TGS1: variants seen among roughly 807,000 people sequenced by gnomAD.
TGS1 encodes the protein trimethylguanosine synthase.
Under a neutral mutation model 92.2 loss-of-function variants are expected in TGS1, and 69 were observed. That is an observed-to-expected ratio of 0.75 (90% CI 0.62 to 0.91). The LOEUF is 0.91. Ranked by LOEUF, TGS1 falls within the 40% of genes least tolerant of loss-of-function variation. TGS1 has a pLI of 0.00. For missense variants in TGS1, 1,062 were observed against 1,001.2 expected (o/e 1.06, Z -0.82); for synonymous variants, 345 against 338.1 (o/e 1.02, Z -0.22).
At chr8:55,784,342 T>G (rs1322577388) in intron 2 of TGS1, among the ~76,000 whole-genome samples, 2 of 152,120 alleles carry the variant, frequency 1.3e-5, no homozygotes, top group East Asian at 3.9e-4. Context: ...ATCTTCCAGT[T>G]TAGGGGATTT....
chr8:55,819,288 ATTTTTTTTTTTT>A (rs201975270), intron 12 of TGS1, among the ~76,000 whole-genome samples: 10 of 74,972 alleles, frequency 1.3e-4, no homozygotes, highest in African/African-American at 2.8e-4. Context: ...TGCCTGGGAG[ATTTTTTTTTTTT>A]TTTTTTTTTT....
intron 2 of TGS1, among the ~76,000 whole-genome samples, chr8:55,784,847 C>T (rs950171842): frequency 2.6e-5 from 4 of 152,168 alleles, no homozygotes; most frequent in East Asian, 1.9e-4. Flanking sequence ...ATTTTCTCCA[C>T]GTACCAGGGT....
intron 2 of TGS1, among the ~76,000 whole-genome samples, chr8:55,783,878 G>A (rs374650412): frequency 3.3e-5 from 5 of 152,144 alleles, no homozygotes; most frequent in Non-Finnish European, 5.9e-5. Flanking sequence ...TAGGCTCCTC[G>A]AGCATAAGAA....
At position 55,796,162 on chromosome 8, in the gene TGS1, A is replaced by C; in HGVS notation, c.1542+10A>C. On this transcript the variant is annotated intron_variant, in intron 7 of 12. Coordinates refer to ENST00000260129, the MANE Select transcript of TGS1 (RefSeq NM_024831.8). ...CAAAATTCTGAGTAAGGTATGTATA[A>C]ATTTTGTTGCATATTTGTAGATAGA... is the stretch of plus-strand genomic sequence containing the variant. 1 of 1,588,444 alleles carries C rather than the reference A, an allele frequency of 6.3e-7. No homozygotes were observed. The highest frequency in any genetic ancestry group is 8.6e-7 in the Non-Finnish European group (1 of 1,162,978).
Position 55,825,166 on chromosome 8 carries a change from C to A in TGS1, c.*463C>A, listed in dbSNP as rs1301437667. ...CAAACTCCTGGGCTCAGTCAGTCCC[C>A]CCATCTCACCCTCCCCAAGTGCTGG... On this transcript the variant is annotated 3_prime_UTR_variant, in exon 13 of 13. Transcript: ENST00000260129. 6.5e-6 allele frequency: 1 copy of A among 153,394 alleles called. No homozygotes were observed. Among genetic ancestry groups the A allele is most frequent in the Non-Finnish European group, 1.4e-5 (1 of 68,992 alleles). 9.5% of individuals were successfully genotyped at this position (153,394 alleles called of 1,614,324 possible).
chr8:55,804,474 A>G (rs1260860899), intron 9 of TGS1, among the ~76,000 whole-genome samples: 3 of 152,196 alleles, frequency 2.0e-5, no homozygotes, highest in Non-Finnish European at 4.4e-5. Flanking sequence ...GGAGTGTCCA[A>G]TACAAATCCA....
At chr8:55,790,114 C>A in intron 4 of TGS1, 68 bp from the exon 5 acceptor site, 1 of 1,126,636 alleles carries the variant, frequency 8.9e-7, no homozygotes, top group Non-Finnish European at 1.3e-6. Flanking sequence ...TTTTCATTGG[C>A]TTTGCAAATA....
intron 12 of TGS1, among the ~76,000 whole-genome samples, chr8:55,820,558 A>C (rs182980369): frequency 2.2e-4 from 34 of 152,286 alleles, no homozygotes; most frequent in African/African-American, 3.8e-4. Context: ...CAAAACAAAA[A>C]AAAAGTGCAG....
Position 55,798,918 on chromosome 8 carries a change from A to G in TGS1, c.1547A>G (p.Glu516Gly), listed in dbSNP as rs759746157. 1.9e-6 allele frequency: 3 copies of G among 1,594,370 alleles called. No individual in the cohort carries two copies. Among genetic ancestry groups the G allele is most frequent in the Non-Finnish European group, 2.6e-6 (3 of 1,171,624 alleles). ...FKKSKILSKV[E>G]KFLTWVNKPM... ...GATGTCATCTTAAAATTTAAGGTAG[A>G]AAAATTCCTCACATGGGTTAATAAA... The change falls in exon 8 of 13, where the codon GAA (glutamate) becomes GGA (glycine). Residue 516 changes from glutamate (E) to glycine (G), a missense_variant. Coordinates refer to ENST00000260129, the MANE Select transcript of TGS1 (RefSeq NM_024831.8).
chr8:55,814,710 T>C (rs1357967633), intron 12 of TGS1, among the ~76,000 whole-genome samples: 4 of 134,468 alleles, frequency 3.0e-5, no homozygotes, highest in Admixed American at 7.5e-5. Context: ...TACACACACA[T>C]ACACACAAAT....
chr8:55,777,026 G>C (rs1811420631), intron 1 of TGS1, among the ~76,000 whole-genome samples: 1 of 151,218 alleles, frequency 6.6e-6, no homozygotes, highest in Admixed American at 6.6e-5. Flanking sequence ...GGTTTATTTT[G>C]AGACTGGGTC....
chr8:55,817,315 G>A (rs1036456867), intron 12 of TGS1, among the ~76,000 whole-genome samples: 3 of 152,168 alleles, frequency 2.0e-5, no homozygotes, highest in Non-Finnish European at 2.9e-5. Flanking sequence ...TAGATAGGTC[G>A]ATAGGAATGA....
intron 12 of TGS1, among the ~76,000 whole-genome samples, chr8:55,820,425 C>G (rs1277037703): frequency 6.6e-6 from 1 of 152,046 alleles, no homozygotes; most frequent in East Asian, 1.9e-4. Context: ...GTAATCCCAG[C>G]TACTCGGCAG....
rs1811924255 is a variant in TGS1, at chr8:55,792,847, C to T, written c.1367+63C>T. ...TAACCACTTCAACTATCTTAGAGCA[C>T]TCTGATACTCAGATAACTAATAAAT... On this transcript the variant is annotated intron_variant, in intron 6 of 12. Transcript: ENST00000260129. The T allele has an allele frequency of 4.0e-6, 4 of 1,006,590 alleles. No homozygotes were observed. The African/African-American group carries it at 6.4e-5, about 16-fold the overall frequency. 62.4% of individuals were successfully genotyped at this position (1,006,590 alleles called of 1,614,324 possible).
chr8:55,782,148 T>TAA (rs1406935041), intron 1 of TGS1, among the ~76,000 whole-genome samples: 11 of 922 alleles, frequency 0.012, no homozygotes, highest in African/African-American at 0.088. Flanking sequence ...AACTTACACT[T>TAA]TATTTATTTA....
chr8:55,793,044 T>TTACTGGAGAGGG (rs1395052421), intron 6 of TGS1, among the ~76,000 whole-genome samples: 3 of 152,188 alleles, frequency 2.0e-5, no homozygotes, highest in Non-Finnish European at 2.9e-5. Flanking sequence ...GGCTTTGACT[T>TTACTGGAGAGGG]TACTGGAGAG....
At chr8:55,823,601 AG>A (rs1161585341) in intron 12 of TGS1, among the ~76,000 whole-genome samples, 5 of 152,334 alleles carry the variant, frequency 3.3e-5, no homozygotes, top group Middle Eastern at 3.4e-3. Flanking sequence ...ACTAGAGGCT[AG>A]ACTCCTCATG....
intron 12 of TGS1, among the ~76,000 whole-genome samples, chr8:55,818,640 G>T (rs1362580139): frequency 6.6e-6 from 1 of 152,264 alleles, no homozygotes; most frequent in Admixed American, 6.5e-5. Flanking sequence ...TAGAGGGGTT[G>T]TGGAACTGAT....
At chr8:55,821,606 G>A (rs988791461) in intron 12 of TGS1, among the ~76,000 whole-genome samples, 4 of 152,130 alleles carry the variant, frequency 2.6e-5, no homozygotes, top group Non-Finnish European at 5.9e-5. Context: ...AGGCACGGTG[G>A]TTCACGCCTG....
Sources: allele counts gnomAD v4.1 joint callset (sites outside exome capture counted in the v4.1 genomes callset), GRCh38; gene constraint gnomAD v4.1.1; transcripts MANE v1.5; gene names NCBI Gene and HGNC (gene_info 2026-07-23, HGNC 2026-07-21).